Variants in DNAH6 observed in about 807,000 individuals in gnomAD.
DNAH6 encodes dynein axonemal heavy chain 6.
DNAH6 carries 340 observed loss-of-function variants against 491.4 expected under a neutral mutation model. The observed-to-expected ratio is 0.69, with a 90% CI of 0.63 to 0.76. The LOEUF (loss-of-function observed/expected upper bound fraction) is 0.76, where lower values mean the gene tolerates loss of function less well. Ranked by LOEUF, DNAH6 falls within the 30% of genes least tolerant of loss-of-function variation. The pLI, the probability that DNAH6 is intolerant of heterozygous loss-of-function variation, is 0.00. For synonymous variants in DNAH6, 1,603 were observed against 1,686.1 expected, an observed-to-expected ratio of 0.95 and a Z score of 1.21; for missense variants, 4,443 against 4,972.2, an observed-to-expected ratio of 0.89 and a Z score of 3.20.
Position 84,572,842 on chromosome 2 carries a change from C to T in DNAH6, c.1804-625C>T, listed in dbSNP as rs574910132. ...GTGAATCCTAACTGCCTTTCATAGA[C>T]TTTGAACATATAATAATATATCTTG... On this transcript the variant is annotated intron_variant, in intron 11 of 76. Transcript: ENST00000389394. Among the ~76,000 whole-genome samples, 9 of 152,256 alleles carry T rather than the reference C, an allele frequency of 5.9e-5. No homozygotes were observed. The South Asian group carries it at 1.9e-3, about 32-fold the overall frequency.
Position 84,707,712 on chromosome 2 carries a change from A to G in DNAH6, c.9044A>G (p.Gln3015Arg). 1 of 1,551,600 alleles carries G rather than the reference A, an allele frequency of 6.4e-7. No homozygotes were observed. The highest frequency in any genetic ancestry group is 8.7e-7 in the Non-Finnish European group (1 of 1,146,568). The part of the protein sequence containing the change: ...YYGAFTAQYR[Q>R]SLIECWIQDC... Reference sequence around the variant, plus strand: ...GGGGCTTTCACAGCCCAGTACAGGCAGTCAGTGAGTAACCCTGCTTTCTGT... The same window carrying G: ...GGGGCTTTCACAGCCCAGTACAGGCGGTCAGTGAGTAACCCTGCTTTCTGT... Residue 3015 changes from glutamine to arginine, a missense_variant, in exon 54 of 77, where the codon CAG becomes CGG. Coordinates refer to ENST00000389394, the MANE Select transcript of DNAH6 (RefSeq NM_001370.2).
At chr2:84,720,763 A>G (rs78868028) in intron 59 of DNAH6, among the ~76,000 whole-genome samples, 2,443 of 152,012 alleles carry the variant, frequency 0.016, 68 homozygotes, top group African/African-American at 0.056. Context: ...CATTCTTCCT[A>G]TCTTTATTGG....
chr2:84,799,894 T>C (rs1179388107), intron 70 of DNAH6, among the ~76,000 whole-genome samples: 1 of 152,206 alleles, frequency 6.6e-6, no homozygotes, highest in African/African-American at 2.4e-5. Flanking sequence ...GCCTGGTAAG[T>C]GTGTGTACTT....
chr2:84,536,254 C>A (rs2104483328), intron 4 of DNAH6, among the ~76,000 whole-genome samples: 2 of 152,112 alleles, frequency 1.3e-5, no homozygotes, highest in East Asian at 3.9e-4. Flanking sequence ...TCCAACTTTG[C>A]AGATTTAGTA....
chr2:84,609,629 C>T (rs1055947446), intron 21 of DNAH6, among the ~76,000 whole-genome samples: 7 of 151,802 alleles, frequency 4.6e-5, no homozygotes, highest in African/African-American at 1.7e-4. Context: ...CAATTATAAT[C>T]ACAACATCAA....
chr2:84,767,566 GTA>G (rs149273465), intron 64 of DNAH6, among the ~76,000 whole-genome samples: 69 of 149,170 alleles, frequency 4.6e-4, no homozygotes, highest in Admixed American at 1.0e-3. Context: ...ATTTATAAGC[GTA>G]TATATATATA....
chr2:84,641,808 C>T (rs1162090444), intron 32 of DNAH6, 139 bp from the exon 33 acceptor site: 1 of 655,386 alleles, frequency 1.5e-6, no homozygotes, highest in Non-Finnish European at 2.6e-6. Flanking sequence ...GAGATGAACG[C>T]TGAACACACG....
chr2:84,680,364 G>T (rs551622711), intron 41 of DNAH6, among the ~76,000 whole-genome samples: 1 of 152,080 alleles, frequency 6.6e-6, no homozygotes, highest in Admixed American at 6.5e-5. Flanking sequence ...AGCACTTGCG[G>T]GTCAAGGACT....
intron 37 of DNAH6, among the ~76,000 whole-genome samples, chr2:84,665,156 AAAATT>A (rs1691963789): frequency 6.6e-6 from 1 of 152,238 alleles, no homozygotes; most frequent in Non-Finnish European, 1.5e-5. Flanking sequence ...GGAAAGATCT[AAAATT>A]GACACCCTAG....
Position 84,787,366 on chromosome 2 carries a change from C to T in DNAH6, c.11239+64C>T, listed in dbSNP as rs921201982. ...CCACAAAGTTGTTGGTTTACTCCCA[C>T]CTGGCCCTTACAAAGATGGTGTCCT... On this transcript the variant is annotated intron_variant, in intron 68 of 76. Coordinates refer to ENST00000389394, the MANE Select transcript of DNAH6 (RefSeq NM_001370.2). 5.2e-6 allele frequency: 7 copies of T among 1,339,846 alleles called. No homozygotes were observed. The Admixed American group carries it at 1.6e-4, about 30-fold the overall frequency. The allele number at this position is 1,339,846 out of a possible 1,614,324, so 83.0% of individuals were successfully genotyped here.
At chr2:84,511,922 A>G (rs1261141511), upstream of DNAH6, among the ~76,000 whole-genome samples, 1 of 152,186 alleles carries the variant, frequency 6.6e-6, no homozygotes, top group Non-Finnish European at 1.5e-5. Flanking sequence ...TCAGTTTGCT[A>G]GTATTTCTGA....
Position 84,518,066 on chromosome 2 carries a change from C to A in DNAH6, c.225+15C>A. 2.6e-6 allele frequency: 4 copies of A among 1,528,578 alleles called. No homozygotes were observed. The South Asian group carries it at 5.0e-5, about 19-fold the overall frequency. 94.7% of individuals were successfully genotyped at this position (1,528,578 alleles called of 1,614,324 possible). On this transcript the variant is annotated intron_variant, in intron 2 of 76. Coordinates refer to ENST00000389394, the MANE Select transcript of DNAH6 (RefSeq NM_001370.2). ...TAGAGCCTTTGGTAAGTTCAAAAAC[C>A]ATTGTTTTAGCCTCTGTAGCCACAG...
chr2:84,762,532 C>G (rs547832443), intron 63 of DNAH6, among the ~76,000 whole-genome samples: 21 of 152,064 alleles, frequency 1.4e-4, no homozygotes, highest in Non-Finnish European at 2.8e-4. Context: ...TCCCTCTTAC[C>G]TAATATTTCA....
Position 84,694,242 on chromosome 2 carries a change from T to C in DNAH6, c.7293-7T>C, listed in dbSNP as rs1695163703. 2 of 1,551,110 alleles carry C rather than the reference T, an allele frequency of 1.3e-6. No homozygotes were observed. The highest frequency in any genetic ancestry group is 1.7e-6 in the Non-Finnish European group (2 of 1,146,330). On this transcript the variant is annotated splice_polypyrimidine_tract_variant and splice_region_variant and intron_variant, in intron 45 of 76. Coordinates refer to ENST00000389394, the MANE Select transcript of DNAH6 (RefSeq NM_001370.2). ...TTGAAATAAACCCTCTGCTCTGATGTTTGCAGGATTGCTCGGATGATACGT... is the reference window on the plus strand; with the variant it reads ...TTGAAATAAACCCTCTGCTCTGATGCTTGCAGGATTGCTCGGATGATACGT...
chr2:84,520,900 C>T (rs1322202823), intron 2 of DNAH6, among the ~76,000 whole-genome samples: 4 of 151,926 alleles, frequency 2.6e-5, no homozygotes, highest in Non-Finnish European at 5.9e-5. Flanking sequence ...TATGATAGAT[C>T]AATTTATATT....
the DNAH6 span, among the ~76,000 whole-genome samples, chr2:84,481,323 T>C: frequency 1.2e-4 from 18 of 152,234 alleles, no homozygotes; most frequent in East Asian, 3.1e-3. Context: ...ATGATATCCA[T>C]CCTTTAAAAA....
intron 4 of DNAH6, among the ~76,000 whole-genome samples, chr2:84,533,935 AT>A (rs903150093): frequency 6.6e-6 from 1 of 152,028 alleles, no homozygotes; most frequent in Non-Finnish European, 1.5e-5. Context: ...AGATCTTTTA[AT>A]TTTTTTTAAA....
chr2:84,489,525 G>A, the DNAH6 span, among the ~76,000 whole-genome samples: 13 of 152,216 alleles, frequency 8.5e-5, no homozygotes, highest in African/African-American at 2.6e-4. Flanking sequence ...GGCCCCAAGC[G>A]ATATCTTCAC....
At chr2:84,777,859 G>T in intron 64 of DNAH6, 1 of 1,250,986 alleles carries the variant, frequency 8.0e-7, no homozygotes, top group Non-Finnish European at 1.2e-6. Context: ...GCAAATTGCA[G>T]TTCGTGCTGT....
Sources: gnomAD v4.1 joint callset for allele counts (sites outside exome capture counted in the v4.1 genomes callset) on GRCh38, gnomAD v4.1.1 for gene constraint, MANE v1.5 for transcripts, NCBI Gene and HGNC (gene_info 2026-07-23, HGNC 2026-07-21) for gene names.